USP15: variants seen among roughly 807,000 people sequenced by gnomAD.
USP15 encodes the protein ubiquitin carboxyl-terminal hydrolase 15.
In USP15, 18 loss-of-function variants were observed where a neutral mutation model predicts 127.1. The observed-to-expected ratio is 0.14, with a 90% confidence interval of 0.10 to 0.21. The LOEUF is 0.21. Ranked by LOEUF, USP15 falls within the 10% of genes least tolerant of loss-of-function variation. The pLI is 1.00. For missense variants in USP15, 805 were observed against 1,159.9 expected (o/e 0.69, Z 4.44); for synonymous variants, 364 against 393.7 (o/e 0.92, Z 0.89).
At chr12:62,320,764 A>G (rs1464130121) in intron 4 of USP15, among the ~76,000 whole-genome samples, 2 of 152,076 alleles carry the variant, frequency 1.3e-5, no homozygotes, top group Admixed American at 1.3e-4. Context: ...TTAATATTTT[A>G]TAAATTTTTT....
At chr12:62,293,101 A>G (rs866841642) in intron 1 of USP15, among the ~76,000 whole-genome samples, 6 of 151,946 alleles carry the variant, frequency 3.9e-5, no homozygotes, top group African/African-American at 1.5e-4. Context: ...AGAAATCCCT[A>G]CCCATACCAC....
rs370433032 is a variant in USP15, at chr12:62,381,697, C to G, written c.1089+34C>G. The G allele has an allele frequency of 1.5e-4, 233 of 1,585,698 alleles. No individual in the cohort carries two copies. The African/African-American group carries it at 2.8e-3, about 19-fold the overall frequency. ...GGTAAATGCATTTTAGCAAGGGTAC[C>G]TGCAAGGGTACAAAAGTTGGTTCTT... is the stretch of plus-strand genomic sequence containing the variant. On this transcript the variant is annotated intron_variant, in intron 9 of 21. Coordinates refer to ENST00000280377, the MANE Select transcript of USP15 (RefSeq NM_001252078.2).
intron 6 of USP15, among the ~76,000 whole-genome samples, chr12:62,334,977 G>A (rs796981686): frequency 2.6e-5 from 4 of 152,248 alleles, no homozygotes; most frequent in African/African-American, 9.6e-5. Context: ...CCATTTGTCA[G>A]GAGTAAGGCT....
intron 1 of USP15, among the ~76,000 whole-genome samples, chr12:62,261,049 C>T (rs533676887): frequency 9.9e-5 from 15 of 152,212 alleles, no homozygotes; most frequent in East Asian, 9.7e-4. Flanking sequence ...GAGAAAGAAA[C>T]CCTAGTTTCC....
At chr12:62,387,326 A>G (rs1181337975) in intron 11 of USP15, among the ~76,000 whole-genome samples, 1 of 152,158 alleles carries the variant, frequency 6.6e-6, no homozygotes, top group East Asian at 1.9e-4. Context: ...AATAGAAGGG[A>G]CTGTCATTAA....
chr12:62,373,710 T>C (rs987602050), intron 8 of USP15, among the ~76,000 whole-genome samples: 2 of 151,984 alleles, frequency 1.3e-5, no homozygotes, highest in Non-Finnish European at 2.9e-5. Context: ...GTTTGTTCTT[T>C]TTTTAAAGTT....
chr12:62,386,510 G>T (rs148028807), intron 11 of USP15, among the ~76,000 whole-genome samples: 4 of 152,106 alleles, frequency 2.6e-5, no homozygotes, highest in Non-Finnish European at 5.9e-5. Context: ...ACCCAAACTG[G>T]TTATGAGGCC....
chr12:62,401,174 T>C lies in USP15; in HGVS notation c.2675-13T>C. 1.3e-6 allele frequency: 2 copies of C among 1,596,140 alleles called. No homozygotes were observed. Among genetic ancestry groups the C allele is most frequent in the Non-Finnish European group, 1.7e-6 (2 of 1,167,124 alleles). On this transcript the variant is annotated splice_polypyrimidine_tract_variant and intron_variant, in intron 20 of 21. Coordinates refer to ENST00000280377, the MANE Select transcript of USP15 (RefSeq NM_001252078.2). Reference sequence around the variant, plus strand: ...GATCATTTTCGTCACAGTGATTATATTTTTTTCATTAGATACTGCTTTTGC... The same window carrying C: ...GATCATTTTCGTCACAGTGATTATACTTTTTTCATTAGATACTGCTTTTGC...
intron 6 of USP15, among the ~76,000 whole-genome samples, chr12:62,343,575 G>C (rs1167989678): frequency 6.6e-6 from 1 of 152,144 alleles, no homozygotes; most frequent in Non-Finnish European, 1.5e-5. Flanking sequence ...TCTGCAGATT[G>C]CAAAAACCAT....
At position 62,349,289 on chromosome 12, in the gene USP15, A is replaced by C; in HGVS notation, c.752A>C (p.Asn251Thr). The change falls in exon 7 of 22, where the codon AAC becomes ACC. Residue 251 changes from asparagine (N) to threonine (T), a missense_variant. This residue lies in a region of USP15 where 84 missense variants were observed against 107.7 expected (regional missense o/e 0.78). Transcript: ENST00000280377. Reference protein sequence around the residue: ...ISPSSLSNNYNNMNNRNVKNS... With the variant: ...ISPSSLSNNYTNMNNRNVKNS... The stretch of plus-strand genomic sequence containing the variant: ...CCTTCATCTCTATCAAATAATTATA[A>C]CAACATGAACAACAGAAAGTAAGCA... 6.7e-7 allele frequency: 1 copy of C among 1,488,100 alleles called. No homozygotes were observed. The highest frequency in any genetic ancestry group is 1.4e-5 in the African/African-American group (1 of 71,216). 92.2% of individuals were successfully genotyped at this position (1,488,100 alleles called of 1,614,324 possible).
chr12:62,274,446 C>T (rs1253767877), intron 1 of USP15: 1 of 149,702 alleles, frequency 6.7e-6, no homozygotes, highest in Non-Finnish European at 1.5e-5. Context: ...GCATTTACTA[C>T]CTCTCTGGTT....
At chr12:62,284,857 CTT>C (rs1444484956) in intron 1 of USP15, among the ~76,000 whole-genome samples, 1 of 151,854 alleles carries the variant, frequency 6.6e-6, no homozygotes, top group East Asian at 1.9e-4. Flanking sequence ...CTAGTGAACT[CTT>C]GTTTTACTTT....
At chr12:62,284,564 A>G (rs989964358) in intron 1 of USP15, among the ~76,000 whole-genome samples, 3 of 152,122 alleles carry the variant, frequency 2.0e-5, no homozygotes, top group African/African-American at 7.2e-5. Context: ...TTGTTCTTAT[A>G]GTGCTATATA....
intron 1 of USP15, among the ~76,000 whole-genome samples, chr12:62,263,449 T>C (rs756369709): frequency 8.5e-5 from 13 of 152,194 alleles, no homozygotes; most frequent in Non-Finnish European, 1.5e-4. Context: ...CTAACTTCCA[T>C]ACCTAGGCAA....
rs145068999 is a variant in USP15 at position 62,396,213 on chromosome 12, T to A, written c.2571-82T>A. 185 of 1,034,864 alleles carry A rather than the reference T, an allele frequency of 1.8e-4. No homozygotes were observed. The African/African-American group carries it at 2.8e-3, about 16-fold the overall frequency. 64.1% of individuals were successfully genotyped at this position (1,034,864 alleles called of 1,614,324 possible). A position where few individuals can be genotyped will look rare whatever the true frequency, so the allele number is the denominator to read the frequency against. On this transcript the variant is annotated intron_variant, in intron 19 of 21. Transcript: ENST00000280377. ...ATAGATATAGATATATATATGTATG[T>A]CAAACAACAATGGCAGAAGGGAATA...
intron 6 of USP15, among the ~76,000 whole-genome samples, 180 bp from the exon 7 acceptor site, chr12:62,349,038 TTTA>T (rs2065897604): frequency 1.3e-5 from 2 of 152,110 alleles, no homozygotes; most frequent in South Asian, 4.1e-4. Context: ...CTTTTGTACT[TTTA>T]TGTTTTTATA....
chr12:62,401,845 T>C (rs2067698574), intron 21 of USP15, among the ~76,000 whole-genome samples: 1 of 144,672 alleles, frequency 6.9e-6, no homozygotes, highest in Non-Finnish European at 1.5e-5. Flanking sequence ...CACCGCTGAC[T>C]CTCAGTATGG....
At position 62,391,259 on chromosome 12, in the gene USP15, A is replaced by G. The variant is rs1468146773; in HGVS notation, c.2063A>G (p.Asn688Ser). 9.3e-6 allele frequency: 15 copies of G among 1,613,550 alleles called. 1 individual carries two copies. In the Admixed American group the frequency reaches 2.5e-4, roughly 27 times the overall value. Residue 688 changes from asparagine (N) to serine (S), a missense_variant, in exon 16 of 22, where the codon AAT (asparagine) becomes AGT (serine). By Grantham distance (46) the Asn-to-Ser change is conservative. This residue lies in a region of USP15 where 225 missense variants were observed against 239.5 expected (regional missense o/e 0.94). Transcript: ENST00000280377. ...SQSEDSVGGD[N>S]DSENGLCTED... The stretch of plus-strand genomic sequence containing the variant: ...TCTGAAGATTCAGTTGGAGGAGATA[A>G]TGATTCTGAAAATGGATTATGTACT...
At chr12:62,354,784 G>T (rs1305536868) in intron 7 of USP15, among the ~76,000 whole-genome samples, 2 of 151,862 alleles carry the variant, frequency 1.3e-5, no homozygotes, top group African/African-American at 4.8e-5. Flanking sequence ...GCTTTTTTCT[G>T]CATTTGAATA....
Sources: allele counts gnomAD v4.1 joint callset (sites outside exome capture counted in the v4.1 genomes callset), GRCh38; gene constraint gnomAD v4.1.1; regional missense constraint gnomAD v4.1.1; transcripts MANE v1.5; gene names NCBI Gene and HGNC (gene_info 2026-07-23, HGNC 2026-07-21).